ZRANB3: variants seen among roughly 807,000 people sequenced by gnomAD.
ZRANB3 encodes DNA annealing helicase and endonuclease ZRANB3.
Under a neutral mutation model 133.8 loss-of-function variants are expected in ZRANB3, and 125 were observed. The ratio of observed to expected loss-of-function variants is 0.93; its 90% CI spans 0.81 to 1.08. The LOEUF (loss-of-function observed/expected upper bound fraction) is 1.08, where lower values mean the gene tolerates loss of function less well. Among genes scored for constraint, ZRANB3 ranks in the 50% least tolerant of loss-of-function variants. The pLI is 0.00. For missense variants in ZRANB3, 1,229 were observed against 1,275.5 expected, an observed-to-expected ratio of 0.96 and a Z score of 0.56; for synonymous variants, 387 against 432.7, an observed-to-expected ratio of 0.89 and a Z score of 1.31.
chr2:135,488,906 T>G (rs368487012), intron 2 of ZRANB3, among the ~76,000 whole-genome samples: 2 of 150,270 alleles, frequency 1.3e-5, no homozygotes, highest in East Asian at 3.8e-4. Context: ...TTATACTATA[T>G]AGCATAATAA....
At chr2:135,474,781 T>C (rs997301634) in intron 2 of ZRANB3, among the ~76,000 whole-genome samples, 1 of 152,186 alleles carries the variant, frequency 6.6e-6, no homozygotes, top group Non-Finnish European at 1.5e-5. Context: ...AGAATACCTA[T>C]AGTTCGGTTT....
chr2:135,511,294 G>A, intron 1 of ZRANB3: 1 of 979,744 alleles, frequency 1.0e-6, no homozygotes, highest in South Asian at 1.3e-5. Context: ...TCTAATACTA[G>A]CTCAGACTTT....
chr2:135,208,826 T>G (rs765691471), intron 18 of ZRANB3, 42 bp downstream of exon 18: 1 of 1,483,810 alleles, frequency 6.7e-7, no homozygotes, highest in Non-Finnish European at 9.4e-7. Flanking sequence ...TGTAAAGGAG[T>G]GGAATTAGTA....
intron 8 of ZRANB3, among the ~76,000 whole-genome samples, chr2:135,311,479 A>G (rs1292886968): frequency 1.3e-5 from 2 of 152,110 alleles, no homozygotes; most frequent in African/African-American, 4.8e-5. Flanking sequence ...GAAAATGAAA[A>G]TATATGACTA....
chr2:135,335,603 C>T (rs111765663), intron 6 of ZRANB3, among the ~76,000 whole-genome samples: 1 of 151,964 alleles, frequency 6.6e-6, no homozygotes, highest in Non-Finnish European at 1.5e-5. Flanking sequence ...TGAGGCAGGA[C>T]AATCTCTTGA....
intron 4 of ZRANB3, among the ~76,000 whole-genome samples, chr2:135,352,887 G>A (rs1327398372): frequency 6.6e-6 from 1 of 151,982 alleles, no homozygotes; most frequent in Non-Finnish European, 1.5e-5. Context: ...TATTCTAATT[G>A]CTAGAAAGCA....
chr2:135,265,567 A>G lies in ZRANB3; in HGVS notation c.1506T>C (p.Ser502=). The part of the protein sequence containing the change: ...FAEAWTPNDS[S]EELRKEALFT... The stretch of plus-strand genomic sequence containing the variant: ...ACAAAGCTTCCTTCCTTAACTCTTC[A>G]GAACTGTCATTTGGAGTCCAAGCTT... The change falls in exon 12 of 21, where the codon TCT becomes TCC. Residue 502 remains serine, a synonymous_variant. Coordinates refer to ENST00000264159, the MANE Select transcript of ZRANB3 (RefSeq NM_032143.4). 6.2e-7 allele frequency: 1 copy of G among 1,613,756 alleles called. No homozygotes were observed. Among genetic ancestry groups the G allele is most frequent in the South Asian group, 1.1e-5 (1 of 90,982 alleles).
chr2:135,461,130 C>T (rs944561972), intron 2 of ZRANB3, among the ~76,000 whole-genome samples: 3 of 152,236 alleles, frequency 2.0e-5, no homozygotes, highest in East Asian at 1.9e-4. Context: ...ATTCCCCTTC[C>T]GGGTGGGTGT....
intron 1 of ZRANB3, among the ~76,000 whole-genome samples, chr2:135,521,623 C>T (rs973140929): frequency 1.3e-5 from 2 of 152,146 alleles, no homozygotes; most frequent in African/African-American, 4.8e-5. Flanking sequence ...ATTGTAGCCT[C>T]ACATCCAAGC....
At chr2:135,337,258 C>A (rs1364503048) in intron 6 of ZRANB3, among the ~76,000 whole-genome samples, 1 of 152,170 alleles carries the variant, frequency 6.6e-6, no homozygotes, top group Non-Finnish European at 1.5e-5. Context: ...TGTCCTCCAT[C>A]CTGGAAATAA....
intron 19 of ZRANB3, among the ~76,000 whole-genome samples, chr2:135,206,340 A>G (rs946090074): frequency 2.0e-5 from 3 of 151,988 alleles, no homozygotes; most frequent in Middle Eastern, 3.4e-3. Context: ...CTCAGGTTCA[A>G]GCGATTCTTC....
intron 10 of ZRANB3, among the ~76,000 whole-genome samples, chr2:135,270,724 A>G (rs1680473329): frequency 2.6e-5 from 4 of 152,232 alleles, no homozygotes. Context: ...TCATCCTCAT[A>G]AAGTTTCTCT....
intron 2 of ZRANB3, among the ~76,000 whole-genome samples, chr2:135,500,426 T>C (rs1222493954): frequency 6.6e-6 from 1 of 152,090 alleles, no homozygotes; most frequent in East Asian, 1.9e-4. Context: ...CATGATGGGA[T>C]TTTACATGGC....
chr2:135,415,478 C>A (rs1225537926), intron 2 of ZRANB3, among the ~76,000 whole-genome samples: 11 of 152,030 alleles, frequency 7.2e-5, no homozygotes, highest in Non-Finnish European at 1.5e-4. Context: ...GCTTACCAAC[C>A]AAAAAGAGTC....
At chr2:135,224,884 C>T (rs1023177714) in intron 14 of ZRANB3, among the ~76,000 whole-genome samples, 3 of 152,024 alleles carry the variant, frequency 2.0e-5, no homozygotes, top group African/African-American at 4.8e-5. Context: ...GATTTGAGAC[C>T]GAATGAGCAT....
At chr2:135,520,588 T>C (rs1334282709) in intron 1 of ZRANB3, among the ~76,000 whole-genome samples, 1 of 151,708 alleles carries the variant, frequency 6.6e-6, no homozygotes, top group African/African-American at 2.4e-5. Context: ...AATTGTTTTT[T>C]TGTTTGTTTT....
chr2:135,305,299 G>A (rs111931304), intron 8 of ZRANB3, among the ~76,000 whole-genome samples: 2 of 152,330 alleles, frequency 1.3e-5, no homozygotes, highest in South Asian at 2.1e-4. Flanking sequence ...TTTCTGATAA[G>A]TATAGCTATT....
chr2:135,512,578 G>A (rs1299587394), intron 1 of ZRANB3, among the ~76,000 whole-genome samples: 1 of 151,440 alleles, frequency 6.6e-6, no homozygotes, highest in Non-Finnish European at 1.5e-5. Context: ...AAATTTACAT[G>A]TTGCTTTTAA....
chr2:135,340,336 C>A (rs916578408), intron 6 of ZRANB3, among the ~76,000 whole-genome samples: 14 of 151,934 alleles, frequency 9.2e-5, no homozygotes. Flanking sequence ...GAACTCCTGA[C>A]CTCAGGTGAT....
Sources: gnomAD v4.1 joint callset for allele counts (sites outside exome capture counted in the v4.1 genomes callset) on GRCh38, gnomAD v4.1.1 for gene constraint, MANE v1.5 for transcripts, NCBI Gene and HGNC (gene_info 2026-07-23, HGNC 2026-07-21) for gene names.